Variants in NFIB observed in about 807,000 individuals in gnomAD.
The protein encoded by NFIB is nuclear factor 1 B-type.
In NFIB, 11 loss-of-function variants were observed where a neutral mutation model predicts 61.5. That is an observed-to-expected ratio of 0.18 (90% CI 0.11 to 0.30). The LOEUF (loss-of-function observed/expected upper bound fraction) is 0.30, where lower values mean the gene tolerates loss of function less well. Among genes scored for constraint, NFIB ranks in the 10% least tolerant of loss-of-function variants. NFIB has a pLI of 1.00. For missense variants in NFIB, 471 were observed against 608.9 expected (o/e 0.77, Z 2.38); for synonymous variants, 260 against 216.5 (o/e 1.20, Z -1.76).
chr9:14,325,255 C>A (rs2060739626), intron 1 of NFIB, among the ~76,000 whole-genome samples: 1 of 152,050 alleles, frequency 6.6e-6, no homozygotes, highest in African/African-American at 2.4e-5. Flanking sequence ...GCACATCTAA[C>A]TGAGTGATTC....
chr9:14,172,832 T>C (rs920273346), intron 3 of NFIB, among the ~76,000 whole-genome samples: 3 of 151,912 alleles, frequency 2.0e-5, no homozygotes, highest in African/African-American at 7.3e-5. Flanking sequence ...TGCAATGACA[T>C]GGTCTCGGCC....
intron 2 of NFIB, among the ~76,000 whole-genome samples, chr9:14,282,605 G>C (rs572347070): frequency 6.6e-6 from 1 of 152,124 alleles, no homozygotes; most frequent in African/African-American, 2.4e-5. Flanking sequence ...ATCTATTTGC[G>C]TATTTCTTCA....
intron 2 of NFIB, among the ~76,000 whole-genome samples, chr9:14,184,209 T>C (rs1012468917): frequency 1.3e-5 from 2 of 152,194 alleles, no homozygotes; most frequent in Non-Finnish European, 2.9e-5. Flanking sequence ...TTAAAACTTA[T>C]GTTCTCTATA....
intron 10 of NFIB, among the ~76,000 whole-genome samples, chr9:14,090,727 A>T (rs116395368): frequency 0.013 from 2,049 of 152,210 alleles, 48 homozygotes; most frequent in African/African-American, 0.047. Flanking sequence ...ACAAGCAGCA[A>T]ATTGCTTTGC....
At chr9:14,372,863 TAA>T (rs1412851802) in intron 1 of NFIB, among the ~76,000 whole-genome samples, 3 of 150,768 alleles carry the variant, frequency 2.0e-5, no homozygotes, top group Non-Finnish European at 2.9e-5. Context: ...CAGAGAAGAA[TAA>T]AAAAAGTTAA....
At position 14,087,569 on chromosome 9, in the gene NFIB, T is replaced by A; in HGVS notation, c.*740A>T. The stretch of plus-strand genomic sequence containing the variant: ...GTGTTCAAACTGTTTTTTTCCTTTT[T>A]TCTTTTTTTCCTTTTTTTTTCATTT... On this transcript the variant is annotated 3_prime_UTR_variant, in exon 11 of 11. Transcript: ENST00000380953. 4.4e-6 allele frequency: 1 copy of A among 228,038 alleles called. No homozygotes were observed. Among genetic ancestry groups the A allele is most frequent in the Non-Finnish European group, 8.7e-6 (1 of 114,570 alleles). The allele number at this position is 228,038 out of a possible 1,614,324, so 14.1% of individuals were successfully genotyped here.
intron 1 of NFIB, among the ~76,000 whole-genome samples, chr9:14,379,984 GA>G (rs1417610108): frequency 2.8e-5 from 4 of 141,564 alleles, no homozygotes; most frequent in Non-Finnish European, 6.3e-5. Flanking sequence ...CACCCAGTCA[GA>G]TTTTTTTTTT....
intron 1 of NFIB, among the ~76,000 whole-genome samples, chr9:14,354,500 C>A (rs892855602): frequency 2.6e-5 from 4 of 152,164 alleles, no homozygotes; most frequent in Non-Finnish European, 5.9e-5. Flanking sequence ...TATAATCTGG[C>A]TAACATTTTT....
At chr9:14,140,862 G>A (rs2131044210) in intron 6 of NFIB, among the ~76,000 whole-genome samples, 1 of 152,178 alleles carries the variant, frequency 6.6e-6, no homozygotes, top group South Asian at 2.1e-4. Context: ...TGAACCTGGG[G>A]GGGTCAGGGC....
At chr9:14,199,125 G>A (rs1162146000) in intron 2 of NFIB, among the ~76,000 whole-genome samples, 1 of 152,188 alleles carries the variant, frequency 6.6e-6, no homozygotes, top group Non-Finnish European at 1.5e-5. Flanking sequence ...CGCTTCTACA[G>A]CTTTTTCCAA....
At chr9:14,507,283 T>C in the NFIB span, among the ~76,000 whole-genome samples, 9 of 152,346 alleles carry the variant, frequency 5.9e-5, no homozygotes, top group African/African-American at 2.2e-4. Flanking sequence ...CATACATTCT[T>C]TGAGGGAGCG....
intron 2 of NFIB, among the ~76,000 whole-genome samples, chr9:14,236,601 TA>T (rs1344110859): frequency 1.3e-5 from 2 of 152,206 alleles, no homozygotes; most frequent in African/African-American, 4.8e-5. Flanking sequence ...TATCCTCTCT[TA>T]ATAGACCAGA....
chr9:14,518,279 G>A, the NFIB span, among the ~76,000 whole-genome samples: 1 of 152,164 alleles, frequency 6.6e-6, no homozygotes. Flanking sequence ...AGGCAATAGA[G>A]GCTAAGTGTT....
At chr9:14,367,857 C>T (rs1238942044) in intron 1 of NFIB, among the ~76,000 whole-genome samples, 2 of 152,120 alleles carry the variant, frequency 1.3e-5, no homozygotes, top group Admixed American at 6.5e-5. Flanking sequence ...CGGAGGGGAA[C>T]ATCACACACC....
chr9:14,301,145 T>A (rs1434765811), intron 2 of NFIB, among the ~76,000 whole-genome samples: 1 of 152,204 alleles, frequency 6.6e-6, no homozygotes, highest in East Asian at 1.9e-4. Flanking sequence ...TAGCAATAGA[T>A]GGCCTCTCTC....
chr9:14,289,108 G>GTGTGTA (rs2058910978), intron 2 of NFIB, among the ~76,000 whole-genome samples: 1 of 144,812 alleles, frequency 6.9e-6, no homozygotes, highest in Admixed American at 7.0e-5. Flanking sequence ...GTGTGTGTAT[G>GTGTGTA]TGTGTGTGTA....
the NFIB span, among the ~76,000 whole-genome samples, chr9:14,441,064 A>G: frequency 2.6e-5 from 4 of 151,254 alleles, no homozygotes; most frequent in Non-Finnish European, 1.5e-5. Flanking sequence ...AACTATAAAG[A>G]TATCTTGGAT....
chr9:14,268,104 T>C (rs56376086), intron 2 of NFIB, among the ~76,000 whole-genome samples: 11,814 of 136,630 alleles, frequency 0.086, 688 homozygotes, highest in East Asian at 0.28. Flanking sequence ...CTGGCCGACA[T>C]AGCAAGATTC....
rs140504153 is a variant in NFIB, at chr9:14,128,289, G to A, written c.926-2523C>T. 8.1e-3 allele frequency among the ~76,000 whole-genome samples: 1,239 copies of A among 152,188 alleles called. 43 individuals carry two copies. Among genetic ancestry groups the A allele is most frequent in the South Asian group, 0.073 (350 of 4,820 alleles). On this transcript the variant is annotated intron_variant, in intron 6 of 10. Coordinates refer to ENST00000380953, the MANE Select transcript of NFIB (RefSeq NM_001190737.2). The stretch of plus-strand genomic sequence containing the variant: ...AAAAAGAAACTGGGAACTTTTTATT[G>A]ATACTCTTCTGCTTTACCTATGTTT...
Sources: allele counts gnomAD v4.1 joint callset (sites outside exome capture counted in the v4.1 genomes callset), GRCh38; gene constraint gnomAD v4.1.1; transcripts MANE v1.5; gene names NCBI Gene and HGNC (gene_info 2026-07-23, HGNC 2026-07-21).